The following ZNF726 variants were observed in gnomAD, a reference collection of about 807,000 sequenced individuals.
ZNF726 encodes the protein zinc finger protein 726.
A neutral mutation model predicts 11.6 loss-of-function variants in ZNF726; 15 were observed. That is an observed-to-expected ratio of 1.29 (90% CI 0.86 to 1.99). The LOEUF (loss-of-function observed/expected upper bound fraction) is 1.99, where lower values mean the gene tolerates loss of function less well. Ranked by LOEUF, ZNF726 falls within the 30% of genes most tolerant of loss-of-function variation. The pLI is 0.00. For missense variants in ZNF726, 890 were observed against 725.6 expected (o/e 1.23, Z -2.60); for synonymous variants, 295 against 243.6 (o/e 1.21, Z -1.96).
intron 4 of ZNF726, chr19:23,944,532 G>A (rs1968388508): frequency 6.5e-6 from 1 of 152,744 alleles, no homozygotes; most frequent in African/African-American, 2.4e-5. Context: ...ATATTTTTGA[G>A]TTGTTTGAGT....
intron 3 of ZNF726, among the ~76,000 whole-genome samples, chr19:23,941,224 C>T (rs981050096): frequency 1.3e-5 from 2 of 152,062 alleles, no homozygotes; most frequent in African/African-American, 4.8e-5. Flanking sequence ...TTTTCTGCAT[C>T]TATTGAAATA....
intron 3 of ZNF726, among the ~76,000 whole-genome samples, chr19:23,923,218 G>T (rs1599456861): frequency 6.6e-6 from 1 of 151,820 alleles, no homozygotes; most frequent in Non-Finnish European, 1.5e-5. Context: ...GCAATGTAAG[G>T]CTATTCTTTG....
Position 23,933,518 on chromosome 19 carries a change from C to G in ZNF726, c.1402C>G (p.Leu468Val), listed in dbSNP as rs746445624. ...CSKAFSRSSA[L>V]TTHKRMHTGE... is the part of the protein sequence containing the mutation. ...TAAAGCATTTAGCCGATCCTCAGCCCTAACTACACATAAGAGGATGCACAC... is the reference window on the plus strand; with the variant it reads ...TAAAGCATTTAGCCGATCCTCAGCCGTAACTACACATAAGAGGATGCACAC... The change falls in exon 4 of 4, where the codon CTA (leucine) becomes GTA (valine). Residue 468 changes from leucine (L) to valine (V), a missense_variant. Leu to Val is a conservative substitution (Grantham distance 32, BLOSUM62 1). Transcript: ENST00000594466. The G allele has an allele frequency of 3.1e-6, 5 of 1,612,596 alleles. No homozygotes were observed. The highest frequency in any genetic ancestry group is 2.2e-5 in the East Asian group (1 of 44,830).
At chr19:23,919,085 T>C (rs1435607912) in intron 1 of ZNF726, 2 of 287,914 alleles carry the variant, frequency 6.9e-6, no homozygotes, top group Non-Finnish European at 1.3e-5. Flanking sequence ...TTCAGTATTA[T>C]GTAAATACTG....
chr19:23,941,128 C>A (rs780811623), intron 3 of ZNF726, among the ~76,000 whole-genome samples: 1 of 152,112 alleles, frequency 6.6e-6, no homozygotes. Flanking sequence ...TCATAGATAG[C>A]TTTTATTACA....
intron 3 of ZNF726, among the ~76,000 whole-genome samples, chr19:23,940,484 G>A (rs1968320916): frequency 6.6e-6 from 1 of 152,100 alleles, no homozygotes; most frequent in African/African-American, 2.4e-5. Context: ...GGCTATGTGG[G>A]CTCTATATGA....
At chr19:23,934,498 CT>C, downstream of ZNF726, 4 of 377,216 alleles carry the variant, frequency 1.1e-5, no homozygotes, top group South Asian at 2.1e-5. Context: ...GGAAATCTTT[CT>C]TTTTTTTCCA....
chr19:23,931,237 G>A (rs1968097930), intron 3 of ZNF726, among the ~76,000 whole-genome samples: 1 of 152,232 alleles, frequency 6.6e-6, no homozygotes, highest in Admixed American at 6.5e-5. Flanking sequence ...CTCCCGAAGT[G>A]CCGGGATTAC....
intron 3 of ZNF726, among the ~76,000 whole-genome samples, chr19:23,939,703 G>A (rs1218097948): frequency 6.6e-6 from 1 of 151,968 alleles, no homozygotes. Context: ...TCGATATTTT[G>A]ATTATGGCCA....
At chr19:23,917,354 T>C (rs989807290) in intron 1 of ZNF726, among the ~76,000 whole-genome samples, 9 of 152,214 alleles carry the variant, frequency 5.9e-5, no homozygotes, top group African/African-American at 2.2e-4. Flanking sequence ...ATTAATAATA[T>C]ATTTTACTTG....
intron 3 of ZNF726, among the ~76,000 whole-genome samples, chr19:23,930,278 A>G (rs1568379012): frequency 6.6e-6 from 1 of 151,930 alleles, no homozygotes; most frequent in Non-Finnish European, 1.5e-5. Context: ...AGTAATCTCT[A>G]TGTTATTTTT....
At chr19:23,924,908 A>G (rs547364747) in intron 3 of ZNF726, among the ~76,000 whole-genome samples, 10 of 152,036 alleles carry the variant, frequency 6.6e-5, no homozygotes, top group East Asian at 1.9e-4. Context: ...AAAAAAGTGT[A>G]TATTTCAGGC....
chr19:23,942,708 A>G (rs529168827), intron 3 of ZNF726, among the ~76,000 whole-genome samples: 9 of 152,308 alleles, frequency 5.9e-5, no homozygotes, highest in Admixed American at 2.0e-4. Context: ...TTACGATTAT[A>G]TAGTGTCCAT....
At chr19:23,920,274 C>G (rs796297810) in intron 3 of ZNF726, 192 bp downstream of exon 3, 3 of 372,886 alleles carry the variant, frequency 8.0e-6, no homozygotes, top group African/African-American at 6.3e-5. Context: ...AAGAATTCTA[C>G]TCTCCCTTCA....
At chr19:23,927,381 A>T (rs1231092059) in intron 3 of ZNF726, among the ~76,000 whole-genome samples, 1 of 152,136 alleles carries the variant, frequency 6.6e-6, no homozygotes, top group Non-Finnish European at 1.5e-5. Flanking sequence ...ATTTTTATAT[A>T]TTTTTATATT....
chr19:23,943,628 G>T (rs1468024993), intron 4 of ZNF726: 1 of 557,356 alleles, frequency 1.8e-6, no homozygotes, highest in Non-Finnish European at 3.3e-6. Context: ...ACAGATGACA[G>T]GTTCAAAGGT....
At chr19:23,937,083 G>A (rs1176649639), downstream of ZNF726, among the ~76,000 whole-genome samples, 5 of 144,520 alleles carry the variant, frequency 3.5e-5, no homozygotes, top group African/African-American at 7.6e-5. Flanking sequence ...GGCCGGGCGG[G>A]GGGCTGACCC....
At chr19:23,918,868 CA>C in intron 1 of ZNF726, among the ~76,000 whole-genome samples, 1 of 151,862 alleles carries the variant, frequency 6.6e-6, no homozygotes, top group East Asian at 1.9e-4. Context: ...CTTTTGGGGC[CA>C]AAACATTTGC....
rs561929622 is a variant in ZNF726, at chr19:23,934,314, A to T, written c.*347A>T. ...GGAGAGAAACCTTACAAATGTGAGG[A>T]ATGTGGCAAAGCCTTTAAATGTTCC... is the stretch of plus-strand genomic sequence containing the variant. On this transcript the variant is annotated 3_prime_UTR_variant, in exon 4 of 4. Transcript: ENST00000594466. 7.5e-5 allele frequency: 45 copies of T among 600,106 alleles called. No homozygotes were observed. The highest frequency in any genetic ancestry group is 6.2e-4 in the African/African-American group (34 of 54,598). The allele number at this position is 600,106 out of a possible 1,614,324, so 37.2% of individuals were successfully genotyped here. A position where few individuals can be genotyped will look rare whatever the true frequency, so the allele number is the denominator to read the frequency against.
Sources: gnomAD v4.1 joint callset for allele counts (sites outside exome capture counted in the v4.1 genomes callset) on GRCh38, gnomAD v4.1.1 for gene constraint, MANE v1.5 for transcripts, NCBI Gene and HGNC (gene_info 2026-07-23, HGNC 2026-07-21) for gene names.